The following EFCAB6 variants were observed in gnomAD, a reference collection of about 807,000 sequenced individuals.
EFCAB6 encodes EF-hand calcium-binding domain-containing protein 6.
A neutral mutation model predicts 169.8 loss-of-function variants in EFCAB6; 156 were observed. The ratio of observed to expected loss-of-function variants is 0.92; its 90% CI spans 0.81 to 1.05. EFCAB6 has a LOEUF of 1.05. Ranked by LOEUF, EFCAB6 falls within the 50% of genes least tolerant of loss-of-function variation. EFCAB6 has a pLI of 0.00. For missense variants in EFCAB6, 1,800 were observed against 1,829.1 expected (o/e 0.98, Z 0.29); for synonymous variants, 698 against 676.4 (o/e 1.03, Z -0.50).
At chr22:43,651,523 G>T (rs551540804) in intron 17 of EFCAB6, among the ~76,000 whole-genome samples, 1 of 152,382 alleles carries the variant, frequency 6.6e-6, no homozygotes, top group South Asian at 2.1e-4. Flanking sequence ...AGGGAAATGT[G>T]GGGGCAGGGC....
In EFCAB6 at chr22:43,537,219, T is replaced by G. The variant is rs2147035705; in HGVS notation, c.4048+158A>C. The G allele has an allele frequency of 1.1e-6, 1 of 880,440 alleles. No homozygotes were observed. The highest frequency in any genetic ancestry group is 1.7e-6 in the Non-Finnish European group (1 of 574,394). The allele number at this position is 880,440 out of a possible 1,614,324, so 54.5% of individuals were successfully genotyped here. On this transcript the variant is annotated intron_variant, in intron 29 of 31. Coordinates refer to ENST00000262726, the MANE Select transcript of EFCAB6 (RefSeq NM_022785.4). This position sits in a 1 kb window ranked among gnomAD's most constrained non-coding sequence, Gnocchi z 4.3. ...CGGAATCCTCCTCCATGGGGACCTT[T>G]GTATAGTAAGCTGCACAGCCCACCC...
chr22:43,659,075 G>A (rs2056883404), intron 17 of EFCAB6, among the ~76,000 whole-genome samples: 1 of 152,212 alleles, frequency 6.6e-6, no homozygotes, highest in African/African-American at 2.4e-5. Context: ...TGATGTCAGC[G>A]GCCCTTGCCT....
intron 13 of EFCAB6, among the ~76,000 whole-genome samples, chr22:43,674,122 A>T (rs1452410737): frequency 1.3e-5 from 2 of 152,226 alleles, no homozygotes; most frequent in East Asian, 3.8e-4. Context: ...TTTAAAAAAC[A>T]GAAGTATGGG....
rs753629651 is a variant in EFCAB6 at position 43,755,801 on chromosome 22, T to G, written c.472A>C (p.Thr158Pro). Residue 158 changes from threonine (T) to proline (P), a missense_variant, in exon 6 of 32, where the codon ACA becomes CCA. By Grantham distance (38) the Thr-to-Pro change is conservative. Coordinates refer to ENST00000262726, the MANE Select transcript of EFCAB6 (RefSeq NM_022785.4). ...ACTTGGATTTCAAGTTCTCTTAATG[T>G]GCGGCAGCAATTCATTTCATTCCCA... The part of the protein sequence containing the change: ...GGGNEMNCCR[T>P]LRELEIQVGE... 1.2e-6 allele frequency: 2 copies of G among 1,606,524 alleles called. No homozygotes were observed. The highest frequency in any genetic ancestry group is 1.7e-6 in the Non-Finnish European group (2 of 1,177,930).
intron 26 of EFCAB6, among the ~76,000 whole-genome samples, chr22:43,562,003 C>T (rs1483701794): frequency 4.6e-5 from 7 of 152,266 alleles, no homozygotes; most frequent in African/African-American, 1.7e-4. Context: ...CCTCACACTC[C>T]CCAGCTTATC....
At chr22:43,574,463 G>A (rs1224929215) in intron 26 of EFCAB6, among the ~76,000 whole-genome samples, 1 of 152,172 alleles carries the variant, frequency 6.6e-6, no homozygotes, top group Non-Finnish European at 1.5e-5. Flanking sequence ...AGGCATGACA[G>A]TGAGATGAGA....
intron 27 of EFCAB6, among the ~76,000 whole-genome samples, chr22:43,543,266 T>C (rs1286720422): frequency 6.6e-6 from 1 of 152,094 alleles, no homozygotes; most frequent in African/African-American, 2.4e-5. Context: ...TTTGAACAAA[T>C]TCTGAAGGCC....
At chr22:43,608,872 G>T (rs190644478) in intron 21 of EFCAB6, among the ~76,000 whole-genome samples, 1 of 152,270 alleles carries the variant, frequency 6.6e-6, no homozygotes, top group Admixed American at 6.5e-5. Context: ...TCAACAACTT[G>T]GGTTCAAAAA....
intron 12 of EFCAB6, among the ~76,000 whole-genome samples, chr22:43,681,114 T>A (rs1015369400): frequency 4.3e-4 from 65 of 152,358 alleles, no homozygotes; most frequent in African/African-American, 1.5e-3. Flanking sequence ...AAATTCCCTT[T>A]ATCAGGTGAA....
At chr22:43,586,311 G>A (rs1416249539) in intron 24 of EFCAB6, among the ~76,000 whole-genome samples, 1 of 129,724 alleles carries the variant, frequency 7.7e-6, no homozygotes, top group Non-Finnish European at 1.6e-5. Flanking sequence ...AGCTCTAAAT[G>A]TATACTGTAA....
At position 43,632,095 on chromosome 22, in the gene EFCAB6, C is replaced by T; in HGVS notation, c.2232+10G>A. 6.2e-7 allele frequency: 1 copy of T among 1,613,154 alleles called. No individual in the cohort carries two copies. The highest frequency in any genetic ancestry group is 8.5e-7 in the Non-Finnish European group (1 of 1,179,434). ...CTAGAGAAGCCCAGCGCCAGACAGT[C>T]ACGGTTTACCCGGAATGACTCCTTC... On this transcript the variant is annotated intron_variant, in intron 19 of 31. Transcript: ENST00000262726.
At chr22:43,561,348 C>T (rs2049020011) in intron 26 of EFCAB6, among the ~76,000 whole-genome samples, 1 of 148,764 alleles carries the variant, frequency 6.7e-6, no homozygotes, top group African/African-American at 2.5e-5. Flanking sequence ...CAGAGCGAGA[C>T]TCTGTCTCAA....
chr22:43,782,858 C>T (rs756532946), intron 2 of EFCAB6, among the ~76,000 whole-genome samples: 3 of 152,126 alleles, frequency 2.0e-5, no homozygotes, highest in Non-Finnish European at 2.9e-5. Context: ...AGCATTTATT[C>T]CCCCAAAATG....
At chr22:43,666,368 T>C (rs1791728506) in intron 17 of EFCAB6, among the ~76,000 whole-genome samples, 1 of 152,156 alleles carries the variant, frequency 6.6e-6, no homozygotes, top group Admixed American at 6.5e-5. Context: ...AAAAAGCCCA[T>C]TCCAATGTCC....
At chr22:43,662,892 C>T (rs2057074650) in intron 17 of EFCAB6, among the ~76,000 whole-genome samples, 1 of 152,216 alleles carries the variant, frequency 6.6e-6, no homozygotes, top group African/African-American at 2.4e-5. Flanking sequence ...GCCCACATGA[C>T]ACCCAGCAAG....
At chr22:43,774,259 A>C (rs1028343751) in intron 3 of EFCAB6, among the ~76,000 whole-genome samples, 1 of 151,384 alleles carries the variant, frequency 6.6e-6, no homozygotes, top group Non-Finnish European at 1.5e-5. Flanking sequence ...ATCTCGGTGC[A>C]CCAACTTGAA....
intron 17 of EFCAB6, among the ~76,000 whole-genome samples, chr22:43,659,996 T>C (rs1355244649): frequency 6.6e-6 from 1 of 152,146 alleles, no homozygotes; most frequent in South Asian, 2.1e-4. Context: ...TGAGCAAGCT[T>C]GCTGATGAGC....
chr22:43,581,282 A>G (rs971226761), intron 24 of EFCAB6, among the ~76,000 whole-genome samples: 11 of 152,220 alleles, frequency 7.2e-5, no homozygotes, highest in African/African-American at 2.7e-4. Flanking sequence ...GAAATACATT[A>G]AATTCTCTTT....
At chr22:43,770,467 C>T (rs2061435640) in intron 4 of EFCAB6, among the ~76,000 whole-genome samples, 1 of 152,146 alleles carries the variant, frequency 6.6e-6, no homozygotes, top group Non-Finnish European at 1.5e-5. Flanking sequence ...TTTAAAGCAG[C>T]TATTTTAACT....
Sources: gnomAD v4.1 joint callset for allele counts (sites outside exome capture counted in the v4.1 genomes callset) on GRCh38, gnomAD v4.1.1 for gene constraint, Gnocchi (gnomAD v3.1) non-coding constraint, MANE v1.5 for transcripts, NCBI Gene and HGNC (gene_info 2026-07-23, HGNC 2026-07-21) for gene names.